DDAH1: variants seen among roughly 807,000 people sequenced by gnomAD.
The protein encoded by DDAH1 is dimethylarginine dimethylaminohydrolase 1, also known as N(G),N(G)-dimethylarginine dimethylaminohydrolase 1.
A neutral mutation model predicts 28.8 loss-of-function variants in DDAH1; 19 were observed. The ratio of observed to expected loss-of-function variants is 0.66; its 90% CI spans 0.46 to 0.97. DDAH1 has a LOEUF of 0.97. DDAH1 is among the 50% of genes least tolerant of loss of function. The pLI is 0.00. For missense variants in DDAH1, 326 were observed against 375.9 expected, an observed-to-expected ratio of 0.87 and a Z score of 1.10; for synonymous variants, 153 against 154.4, an observed-to-expected ratio of 0.99 and a Z score of 0.07.
intron 1 of DDAH1, among the ~76,000 whole-genome samples, chr1:85,369,842 C>T (rs1243931045): frequency 6.6e-6 from 1 of 152,158 alleles, no homozygotes; most frequent in African/African-American, 2.4e-5. Context: ...AGGTCAGGAA[C>T]AGCCTTTCTG....
chr1:85,351,552 T>C lies in DDAH1; in HGVS notation c.431A>G (p.Lys144Arg), dbSNP rs1649203443. Residue 144 changes from lysine (K) to arginine (R), a missense_variant, in exon 3 of 6, where the codon AAA (lysine) becomes AGA (arginine). Coordinates refer to ENST00000284031, the MANE Select transcript of DDAH1 (RefSeq NM_012137.4). ...TTCAGCACCTCGTTGATTTGTCCTT[T>C]TGGAAAGGCCCACAAAAAATTCTCT... The part of the protein sequence containing the change: ...TGREFFVGLS[K>R]RTNQRGAEIL... The C allele has an allele frequency of 1.2e-6, 2 of 1,614,014 alleles. No individual in the cohort carries two copies. Among genetic ancestry groups the C allele is most frequent in the Non-Finnish European group, 1.7e-6 (2 of 1,180,014 alleles).
chr1:85,490,253 T>A (rs1656343481), intron 2 of DDAH1, among the ~76,000 whole-genome samples: 1 of 152,170 alleles, frequency 6.6e-6, no homozygotes, highest in Non-Finnish European at 1.5e-5. Flanking sequence ...GAAAGATTCA[T>A]GACTAAAAGA....
chr1:85,395,087 A>ATTT (rs1407650325), intron 1 of DDAH1, among the ~76,000 whole-genome samples: 2 of 152,210 alleles, frequency 1.3e-5, no homozygotes, highest in Non-Finnish European at 2.9e-5. Flanking sequence ...GGTGAAAAAA[A>ATTT]TTATAAAAAG....
chr1:85,324,881 G>A lies in DDAH1; in HGVS notation c.600C>T (p.Ile200=), dbSNP rs1331220040. 1 of 1,613,740 alleles carries A rather than the reference G, an allele frequency of 6.2e-7. No homozygotes were observed. Among genetic ancestry groups the A allele is most frequent in the Non-Finnish European group, 8.5e-7 (1 of 1,179,932 alleles). ...SSESAQKALK[I]MQQMSDHRYD... is the part of the protein sequence containing the mutation. ...AGCGGTGGTCACTCATCTGTTGCAT[G>A]ATCTATAAAGAGAAACAAAGCAGGC... is the stretch of plus-strand genomic sequence containing the variant. The change falls in exon 5 of 6, where the codon ATC becomes ATT. Residue 200 remains isoleucine, a splice_region_variant and synonymous_variant. Coordinates refer to ENST00000284031, the MANE Select transcript of DDAH1 (RefSeq NM_012137.4).
chr1:85,560,391 G>C (rs1659104321), intron 1 of DDAH1, among the ~76,000 whole-genome samples: 1 of 152,070 alleles, frequency 6.6e-6, no homozygotes, highest in South Asian at 2.1e-4. Flanking sequence ...AATAATGAAT[G>C]TCAGAAATGA....
intron 1 of DDAH1, among the ~76,000 whole-genome samples, chr1:85,412,194 T>C (rs1652682120): frequency 6.6e-6 from 1 of 152,266 alleles, no homozygotes; most frequent in Non-Finnish European, 1.5e-5. Context: ...AAACTGTCTT[T>C]ATAATTCAAC....
intron 1 of DDAH1, among the ~76,000 whole-genome samples, chr1:85,413,444 C>G (rs1254570585): frequency 1.3e-5 from 2 of 152,214 alleles, no homozygotes; most frequent in African/African-American, 2.4e-5. Flanking sequence ...AATTTAACAT[C>G]TGGAATCAAG....
At chr1:85,419,276 C>T (rs1394221763) in intron 1 of DDAH1, among the ~76,000 whole-genome samples, 1 of 151,934 alleles carries the variant, frequency 6.6e-6, no homozygotes, top group Non-Finnish European at 1.5e-5. Context: ...GTGTGGCTCA[C>T]ATCTGTAATC....
intron 1 of DDAH1, among the ~76,000 whole-genome samples, chr1:85,517,800 C>T (rs1344144149): frequency 1.3e-5 from 2 of 152,126 alleles, no homozygotes; most frequent in Non-Finnish European, 2.9e-5. Flanking sequence ...CTCGGAGAAA[C>T]GAGCTTGTGC....
At chr1:85,479,347 G>C (rs1282298323) in intron 2 of DDAH1, among the ~76,000 whole-genome samples, 2 of 150,310 alleles carry the variant, frequency 1.3e-5, no homozygotes, top group Non-Finnish European at 3.0e-5. Flanking sequence ...CTAATTTTTT[G>C]TATTTTTAGT....
intron 4 of DDAH1, 58 bp downstream of exon 4, chr1:85,350,357 A>G: frequency 6.3e-7 from 1 of 1,582,718 alleles, no homozygotes; most frequent in Non-Finnish European, 8.6e-7. Flanking sequence ...AGAGAATGTG[A>G]AAAACCCTGT....
intron 1 of DDAH1, among the ~76,000 whole-genome samples, chr1:85,499,892 T>C (rs1656732321): frequency 6.6e-6 from 1 of 152,212 alleles, no homozygotes; most frequent in Non-Finnish European, 1.5e-5. Context: ...TTACCACTTC[T>C]AGCACTAGTC....
At chr1:85,410,492 A>C (rs1451716125) in intron 1 of DDAH1, among the ~76,000 whole-genome samples, 1 of 151,882 alleles carries the variant, frequency 6.6e-6, no homozygotes, top group Non-Finnish European at 1.5e-5. Context: ...ATACAAAATT[A>C]GCTGGGCATG....
rs770665955 is a variant in DDAH1, at chr1:85,350,499, C to T, written c.513G>A (p.Gly171=). Residue 171 remains glycine, a synonymous_variant, in exon 4 of 6, where the codon GGG becomes GGA. Coordinates refer to ENST00000284031, the MANE Select transcript of DDAH1 (RefSeq NM_012137.4). Reference sequence around the variant, plus strand: ...TGCTGCAGAAACTCTTCAAATGCAACCCATCTGCCACTGGCACTGTGGAGA... The same window carrying T: ...TGCTGCAGAAACTCTTCAAATGCAATCCATCTGCCACTGGCACTGTGGAGA... ...YAVSTVPVAD[G]LHLKSFCSMA... The T allele has an allele frequency of 3.7e-6, 6 of 1,614,144 alleles. No homozygotes were observed. In the South Asian group the frequency reaches 4.4e-5, roughly 12 times the overall value.
At chr1:85,477,407 T>A (rs1655840295) in intron 2 of DDAH1, among the ~76,000 whole-genome samples, 1 of 151,994 alleles carries the variant, frequency 6.6e-6, no homozygotes, top group Non-Finnish European at 1.5e-5. Flanking sequence ...TAGAAGAGTG[T>A]CCCCTACAAC....
At chr1:85,348,509 C>A (rs1570411891) in intron 4 of DDAH1, among the ~76,000 whole-genome samples, 1 of 152,214 alleles carries the variant, frequency 6.6e-6, no homozygotes, top group African/African-American at 2.4e-5. Context: ...CCACTAGAAA[C>A]TCTACGAGTT....
chr1:85,544,562 C>G (rs1163125866), intron 1 of DDAH1, among the ~76,000 whole-genome samples: 2 of 152,136 alleles, frequency 1.3e-5, no homozygotes, highest in African/African-American at 2.4e-5. Context: ...CACTCAGACA[C>G]CCAGAAGGCT....
chr1:85,366,708 T>C (rs1179057023), intron 1 of DDAH1, among the ~76,000 whole-genome samples: 6 of 152,084 alleles, frequency 3.9e-5, no homozygotes, highest in Non-Finnish European at 2.9e-5. Flanking sequence ...AGGCTGGATA[T>C]ATGAATGCAG....
At chr1:85,380,627 G>A (rs1299284631) in intron 1 of DDAH1, 3 of 152,142 alleles carry the variant, frequency 2.0e-5, no homozygotes, top group African/African-American at 7.2e-5. Flanking sequence ...CTAGCACAAG[G>A]TCTCTTATTT....
Sources: gnomAD v4.1 joint callset for allele counts (sites outside exome capture counted in the v4.1 genomes callset) on GRCh38, gnomAD v4.1.1 for gene constraint, MANE v1.5 for transcripts, NCBI Gene and HGNC (gene_info 2026-07-23, HGNC 2026-07-21) for gene names.